Variants in TASOR observed in about 807,000 individuals in gnomAD.
The protein encoded by TASOR is transcription activation suppressor, also known as protein TASOR.
Under a neutral mutation model 178.6 loss-of-function variants are expected in TASOR, and 53 were observed. That is an observed-to-expected ratio of 0.30 (90% CI 0.24 to 0.37). The LOEUF is 0.37. TASOR is among the 10% of genes least tolerant of loss of function. The pLI is 1.00. For synonymous variants in TASOR, 713 were observed against 696.2 expected, an observed-to-expected ratio of 1.02 and a Z score of -0.38; for missense variants, 1,815 against 1,971.4, an observed-to-expected ratio of 0.92 and a Z score of 1.50.
In TASOR at chr3:56,669,803, G is replaced by T; in HGVS notation, c.644-12C>A. On this transcript the variant is annotated splice_polypyrimidine_tract_variant and intron_variant, in intron 4 of 23. Coordinates refer to ENST00000683822, the MANE Select transcript of TASOR (RefSeq NM_001365635.2). ...AGAAAGATAGACACCTAGAAAAGAC[G>T]GAAAAATTAAGGAAACTGATTATAT... The T allele has an allele frequency of 6.6e-7, 1 of 1,504,962 alleles. No homozygotes were observed. The highest frequency in any genetic ancestry group is 8.9e-7 in the Non-Finnish European group (1 of 1,122,268). The allele number at this position is 1,504,962 out of a possible 1,614,324, so 93.2% of individuals were successfully genotyped here.
At chr3:56,675,515 T>A (rs2031207393) in intron 1 of TASOR, among the ~76,000 whole-genome samples, 1 of 152,186 alleles carries the variant, frequency 6.6e-6, no homozygotes, top group Non-Finnish European at 1.5e-5. Flanking sequence ...AACTATGCAA[T>A]TAGTTCTTGA....
Position 56,654,383 on chromosome 3 carries a change from G to A in TASOR, c.1369-5326C>T, listed in dbSNP as rs545619353. On this transcript the variant is annotated intron_variant, in intron 11 of 23. Coordinates refer to ENST00000683822, the MANE Select transcript of TASOR (RefSeq NM_001365635.2). ...AACCCCACAATTTACTTTAAAAGCT[G>A]TGGCAGGGGTGGGCGGGGTTGGGGG... 6.0e-5 allele frequency among the ~76,000 whole-genome samples: 9 copies of A among 150,012 alleles called. No individual in the cohort carries two copies. In the South Asian group the frequency reaches 1.1e-3, roughly 18 times the overall value.
At position 56,648,870 on chromosome 3, in the gene TASOR, C is replaced by A; in HGVS notation, c.1465G>T (p.Val489Phe). ...TGAAATAGAAACAAAGCATGTAGGA[C>A]TCGAGACTTGGCAGTCTGATATTCT... ...PYEYQTAKSR[V>F]LHALFLFQEP... The change falls in exon 13 of 24, where the codon GTC (valine) becomes TTC (phenylalanine). Residue 489 changes from valine to phenylalanine, a missense_variant. Physicochemically the swap from Val to Phe is conservative, Grantham distance 50. Coordinates refer to ENST00000683822, the MANE Select transcript of TASOR (RefSeq NM_001365635.2). The A allele has an allele frequency of 1.2e-6, 2 of 1,612,272 alleles. No homozygotes were observed. Among genetic ancestry groups the A allele is most frequent in the South Asian group, 1.1e-5 (1 of 90,432 alleles).
chr3:56,648,946 G>C, intron 12 of TASOR, 39 bp downstream of exon 12: 1 of 1,595,410 alleles, frequency 6.3e-7, no homozygotes, highest in African/African-American at 1.4e-5. Context: ...AAAAAGTTAA[G>C]AAAGAATTGT....
At chr3:56,641,283 T>C (rs1559826229) in intron 15 of TASOR, 66 bp downstream of exon 15, 2 of 1,439,760 alleles carry the variant, frequency 1.4e-6, no homozygotes, top group Non-Finnish European at 9.3e-7. Flanking sequence ...CCCTGAAGCA[T>C]ACTCACAGCA....
At chr3:56,670,492 C>T (rs984601190) in intron 3 of TASOR, among the ~76,000 whole-genome samples, 2 of 152,202 alleles carry the variant, frequency 1.3e-5, no homozygotes, top group Non-Finnish European at 2.9e-5. Flanking sequence ...AAGTGCTCAC[C>T]ACCATGCCTG....
rs1338930113 is a variant in TASOR at position 56,683,074 on chromosome 3, G to A, written c.-68C>T. On this transcript the variant is annotated 5_prime_UTR_variant, in exon 1 of 24. Coordinates refer to ENST00000683822, the MANE Select transcript of TASOR (RefSeq NM_001365635.2). The stretch of plus-strand genomic sequence containing the variant: ...TCGACGGGTGTGGGGGGAAGGGGCG[G>A]CGGGCCAGTCTCGCCGCCGAGCTGC... 1.4e-6 allele frequency: 2 copies of A among 1,422,604 alleles called. No individual in the cohort carries two copies. Among genetic ancestry groups the A allele is most frequent in the East Asian group, 5.0e-5 (2 of 39,910 alleles). The allele number at this position is 1,422,604 out of a possible 1,614,324, so 88.1% of individuals were successfully genotyped here.
intron 17 of TASOR, 124 bp downstream of exon 17, chr3:56,638,579 GGTA>G: frequency 2.7e-6 from 2 of 753,420 alleles, no homozygotes; most frequent in Non-Finnish European, 4.5e-6. Flanking sequence ...AAATAAATAT[GGTA>G]CTGTCCAAAT....
At chr3:56,677,952 A>G (rs970312006) in intron 1 of TASOR, among the ~76,000 whole-genome samples, 2 of 152,176 alleles carry the variant, frequency 1.3e-5, no homozygotes, top group African/African-American at 4.8e-5. Context: ...CTGTCAGAAG[A>G]ACAGCTAAGT....
chr3:56,641,909 G>T (rs1400433407), intron 14 of TASOR, among the ~76,000 whole-genome samples, 157 bp from the exon 15 acceptor site: 1 of 152,132 alleles, frequency 6.6e-6, no homozygotes, highest in Non-Finnish European at 1.5e-5. Context: ...TTTACAAAAA[G>T]AATTGTAAAA....
At position 56,623,233 on chromosome 3, in the gene TASOR, T is replaced by C. The variant is rs747873531; in HGVS notation, c.4817A>G (p.His1606Arg). The C allele has an allele frequency of 6.2e-7, 1 of 1,613,430 alleles. No individual in the cohort carries two copies. Among genetic ancestry groups the C allele is most frequent in the South Asian group, 1.1e-5 (1 of 91,034 alleles). Residue 1606 changes from histidine (H) to arginine (R), a missense_variant, in exon 24 of 24, where the codon CAT (histidine) becomes CGT (arginine). His to Arg is a conservative substitution (Grantham distance 29, BLOSUM62 0). This residue lies in a region of TASOR where 278 missense variants were observed against 257.1 expected (regional missense o/e 1.08). Coordinates refer to ENST00000683822, the MANE Select transcript of TASOR (RefSeq NM_001365635.2). ...GAGAACATTAAAATGACTAAACTGA[T>C]GGGACATATTTAATTGACTATGATA... The part of the protein sequence containing the change: ...QVYHSQLNMS[H>R]QFSHFNVLTH...
chr3:56,674,872 G>A (rs901691976), intron 1 of TASOR, among the ~76,000 whole-genome samples: 2 of 152,208 alleles, frequency 1.3e-5, no homozygotes, highest in African/African-American at 4.8e-5. Context: ...AGGCTGGAGT[G>A]CAGTGACACA....
Sources: allele counts gnomAD v4.1 joint callset (sites outside exome capture counted in the v4.1 genomes callset), GRCh38; gene constraint gnomAD v4.1.1; regional missense constraint gnomAD v4.1.1; transcripts MANE v1.5; gene names NCBI Gene and HGNC (gene_info 2026-07-23, HGNC 2026-07-21).